PDCD1LG2: variants seen among roughly 807,000 people sequenced by gnomAD.
PDCD1LG2 encodes the protein B7 dendritic cell molecule.
In PDCD1LG2, 32 loss-of-function variants were observed where a neutral mutation model predicts 28.2. The ratio of observed to expected loss-of-function variants is 1.13; its 90% CI spans 0.86 to 1.52. The LOEUF is 1.52. Among genes scored for constraint, PDCD1LG2 ranks in the 40% most tolerant of loss-of-function variants. The probability of loss-of-function intolerance (pLI) is 0.00; values close to 1 mark genes in which losing one functional copy is unlikely to be tolerated. For synonymous variants in PDCD1LG2, 116 were observed against 120.2 expected, an observed-to-expected ratio of 0.97 and a Z score of 0.23; for missense variants, 385 against 323.8, an observed-to-expected ratio of 1.19 and a Z score of -1.45.
intron 1 of PDCD1LG2, among the ~76,000 whole-genome samples, chr9:5,511,689 A>C (rs2129666197): frequency 6.6e-6 from 1 of 152,280 alleles, no homozygotes; most frequent in Middle Eastern, 3.4e-3. Context: ...CAAGCCTAAG[A>C]TTCTGTGAGT....
chr9:5,547,423 T>C (rs1055736100), intron 3 of PDCD1LG2, among the ~76,000 whole-genome samples: 28 of 152,354 alleles, frequency 1.8e-4, no homozygotes, highest in African/African-American at 6.5e-4. Flanking sequence ...TAACTGCATA[T>C]GGTATTGATA....
chr9:5,560,193 C>T (rs1816531717), intron 5 of PDCD1LG2, among the ~76,000 whole-genome samples: 1 of 152,184 alleles, frequency 6.6e-6, no homozygotes, highest in Admixed American at 6.6e-5. Flanking sequence ...AATTAAATTG[C>T]ATCCCTTTTA....
At chr9:5,521,761 GA>G (rs1214690757) in intron 1 of PDCD1LG2, among the ~76,000 whole-genome samples, 1 of 152,190 alleles carries the variant, frequency 6.6e-6, no homozygotes, top group Non-Finnish European at 1.5e-5. Flanking sequence ...GATTTCCCCT[GA>G]AGAAATGATT....
chr9:5,568,873 T>C (rs976414998), intron 6 of PDCD1LG2, among the ~76,000 whole-genome samples: 3 of 152,172 alleles, frequency 2.0e-5, no homozygotes, highest in African/African-American at 4.8e-5. Context: ...AAACAATACA[T>C]GAAAGTTCAG....
intron 1 of PDCD1LG2, among the ~76,000 whole-genome samples, chr9:5,516,591 A>G (rs1036264794): frequency 6.6e-6 from 1 of 152,192 alleles, no homozygotes; most frequent in Non-Finnish European, 1.5e-5. Flanking sequence ...CATGCTGTCC[A>G]TGATGCCCAG....
intron 2 of PDCD1LG2, among the ~76,000 whole-genome samples, chr9:5,529,540 TG>T (rs1350822823): frequency 1.3e-5 from 2 of 152,238 alleles, no homozygotes; most frequent in African/African-American, 2.4e-5. Flanking sequence ...CACTTATATT[TG>T]TTTTTTTTCT....
intron 1 of PDCD1LG2, among the ~76,000 whole-genome samples, chr9:5,515,990 G>C (rs62556118): frequency 0.37 from 55,222 of 148,760 alleles, 10,430 homozygotes; most frequent in Admixed American, 0.47. Flanking sequence ...GTGAGCAACT[G>C]CTTCCCCTAG....
At chr9:5,557,033 T>C (rs1269861353) in intron 4 of PDCD1LG2, among the ~76,000 whole-genome samples, 1 of 152,234 alleles carries the variant, frequency 6.6e-6, no homozygotes, top group African/African-American at 2.4e-5. Context: ...AGGTTTAGTA[T>C]ATTAACACTA....
intron 2 of PDCD1LG2, among the ~76,000 whole-genome samples, chr9:5,526,002 A>C (rs192694142): frequency 2.7e-5 from 4 of 149,754 alleles, no homozygotes; most frequent in Admixed American, 6.7e-5. Context: ...AGCCAAGATC[A>C]CGCCACTGCA....
At chr9:5,521,766 A>T (rs2129721181) in intron 1 of PDCD1LG2, among the ~76,000 whole-genome samples, 1 of 152,324 alleles carries the variant, frequency 6.6e-6, no homozygotes, top group East Asian at 1.9e-4. Flanking sequence ...CCCCTGAAGA[A>T]ATGATTCCAT....
intron 4 of PDCD1LG2, 74 bp from the exon 5 acceptor site, chr9:5,557,544 A>C: frequency 4.5e-6 from 7 of 1,538,860 alleles, no homozygotes; most frequent in Non-Finnish European, 6.3e-6. Flanking sequence ...GCTGTCACCC[A>C]CTCATGTGGC....
At chr9:5,566,187 C>T (rs977079239) in intron 6 of PDCD1LG2, among the ~76,000 whole-genome samples, 5 of 152,228 alleles carry the variant, frequency 3.3e-5, no homozygotes, top group African/African-American at 1.2e-4. Context: ...TTAGCCTGGA[C>T]ATGTCCCTTG....
chr9:5,556,495 T>C (rs1816445600), intron 4 of PDCD1LG2, among the ~76,000 whole-genome samples: 1 of 152,188 alleles, frequency 6.6e-6, no homozygotes. Context: ...TACTTAGCAG[T>C]GATGACCTCA....
intron 1 of PDCD1LG2, among the ~76,000 whole-genome samples, chr9:5,521,102 A>C (rs1042230272): frequency 6.6e-6 from 1 of 152,232 alleles, no homozygotes; most frequent in African/African-American, 2.4e-5. Context: ...TCGGTGAAAA[A>C]AGCCAGCCAC....
At chr9:5,555,760 C>T (rs1438562384) in intron 4 of PDCD1LG2, among the ~76,000 whole-genome samples, 2 of 152,200 alleles carry the variant, frequency 1.3e-5, no homozygotes, top group Non-Finnish European at 2.9e-5. Context: ...TGGTGGAAAA[C>T]ACATTCAATG....
At chr9:5,554,436 C>A (rs950517853) in intron 4 of PDCD1LG2, among the ~76,000 whole-genome samples, 2 of 152,202 alleles carry the variant, frequency 1.3e-5, no homozygotes, top group African/African-American at 4.8e-5. Flanking sequence ...TTTAAGTTGT[C>A]TTATGACTGT....
intron 1 of PDCD1LG2, among the ~76,000 whole-genome samples, chr9:5,514,715 A>T (rs548023985): frequency 6.7e-6 from 1 of 148,290 alleles, no homozygotes; most frequent in South Asian, 2.2e-4. Context: ...CTATGATCAC[A>T]CCTGTGAATA....
chr9:5,537,743 G>T (rs1586805034), intron 3 of PDCD1LG2, among the ~76,000 whole-genome samples: 1 of 152,144 alleles, frequency 6.6e-6, no homozygotes, highest in Non-Finnish European at 1.5e-5. Flanking sequence ...GTCGGGGGAG[G>T]GGAGAGGGAT....
chr9:5,543,917 G>T (rs1455028126), intron 3 of PDCD1LG2, among the ~76,000 whole-genome samples: 1 of 152,198 alleles, frequency 6.6e-6, no homozygotes, highest in African/African-American at 2.4e-5. Context: ...TCGTTAACCT[G>T]CTATTCCTTT....
Sources: allele counts gnomAD v4.1 joint callset (sites outside exome capture counted in the v4.1 genomes callset), GRCh38; gene constraint gnomAD v4.1.1; transcripts MANE v1.5; gene names NCBI Gene and HGNC (gene_info 2026-07-23, HGNC 2026-07-21).